Variants in QSOX1 observed in about 807,000 individuals in gnomAD.
The protein encoded by QSOX1 is quiescin sulfhydryl oxidase 1, also known as sulfhydryl oxidase 1.
In QSOX1, 40 loss-of-function variants were observed where a neutral mutation model predicts 76.1. The ratio of observed to expected loss-of-function variants is 0.53; its 90% confidence interval spans 0.41 to 0.68. QSOX1 has a LOEUF of 0.68. QSOX1 is among the 30% of genes least tolerant of loss of function. The probability of loss-of-function intolerance (pLI) is 0.00; values close to 1 mark genes in which losing one functional copy is unlikely to be tolerated. For synonymous variants in QSOX1, 392 were observed against 413.1 expected (o/e 0.95, Z 0.62); for missense variants, 931 against 974.3 (o/e 0.96, Z 0.59).
At chr1:180,157,068 G>A (rs923168561) in intron 1 of QSOX1, among the ~76,000 whole-genome samples, 1 of 152,208 alleles carries the variant, frequency 6.6e-6, no homozygotes, top group African/African-American at 2.4e-5. Context: ...CTGGATGAGG[G>A]TTACCACTTC....
intron 10 of QSOX1, among the ~76,000 whole-genome samples, chr1:180,191,681 C>T (rs983609378): frequency 5.3e-5 from 8 of 152,202 alleles, no homozygotes; most frequent in African/African-American, 9.6e-5. Context: ...AAAGCAGTGC[C>T]GGAGCGGGTG....
chr1:180,183,893 TC>T, intron 6 of QSOX1, 22 bp from the exon 7 acceptor site: 1 of 1,604,552 alleles, frequency 6.2e-7, no homozygotes, highest in Non-Finnish European at 8.5e-7. Flanking sequence ...CTGCCTCTCC[TC>T]CCTGGTTCTG....
At chr1:180,175,409 C>A in intron 3 of QSOX1, 43 bp downstream of exon 3, 1 of 1,594,456 alleles carries the variant, frequency 6.3e-7, no homozygotes, top group Non-Finnish European at 8.6e-7. Context: ...TCTTCCTCCC[C>A]CAACCTCCCT....
chr1:180,176,866 GCT>G (rs1662907967), intron 4 of QSOX1, among the ~76,000 whole-genome samples: 1 of 152,222 alleles, frequency 6.6e-6, no homozygotes, highest in Admixed American at 6.5e-5. Flanking sequence ...GTGCGCAGAG[GCT>G]CTCTTAAAAG....
Position 180,204,023 on chromosome 1 carries a change from AGACT to A in QSOX1, c.*6989_*6992del, listed in dbSNP as rs1297670265. ...TCCCTACTGAAAATAAAGGGCCTAA[AGACT>A]GAATGAGAGATGCAATTTTTTTTGG... is the stretch of plus-strand genomic sequence containing the variant. On this transcript the variant is annotated 3_prime_UTR_variant, in exon 12 of 12. Transcript: ENST00000367602. The A allele has an allele frequency of 6.6e-6, 1 of 152,230 alleles. No homozygotes were observed. Among genetic ancestry groups the A allele is most frequent in the Admixed American group, 6.5e-5 (1 of 15,280 alleles). 9.4% of individuals were successfully genotyped at this position (152,230 alleles called of 1,614,324 possible).
chr1:180,202,719 T>C lies in QSOX1; in HGVS notation c.*5682T>C, dbSNP rs1663660135. On this transcript the variant is annotated 3_prime_UTR_variant, in exon 12 of 12. Coordinates refer to ENST00000367602, the MANE Select transcript of QSOX1 (RefSeq NM_002826.5). ...GGAAATATAATTGAATACTTCACTGTTTTTGAAAGCATGAAAACAATGGAA... is the reference window on the plus strand; with the variant it reads ...GGAAATATAATTGAATACTTCACTGCTTTTGAAAGCATGAAAACAATGGAA... 6.7e-6 allele frequency: 1 copy of C among 150,288 alleles called. No individual in the cohort carries two copies. Among genetic ancestry groups the C allele is most frequent in the Non-Finnish European group, 1.5e-5 (1 of 67,776 alleles). 9.3% of individuals were successfully genotyped at this position (150,288 alleles called of 1,614,324 possible). A position where few individuals can be genotyped will look rare whatever the true frequency, so the allele number is the denominator to read the frequency against.
Position 180,200,178 on chromosome 1 carries a change from GGCAAGA to G in QSOX1, c.*3142_*3147del, listed in dbSNP as rs1418929736. The G allele has an allele frequency of 2.6e-5, 4 of 152,186 alleles. No homozygotes were observed. The highest frequency in any genetic ancestry group is 6.5e-5 in the Admixed American group (1 of 15,286). 9.4% of individuals were successfully genotyped at this position (152,186 alleles called of 1,614,324 possible). A position where few individuals can be genotyped will look rare whatever the true frequency, so the allele number is the denominator to read the frequency against. On this transcript the variant is annotated 3_prime_UTR_variant, in exon 12 of 12. Coordinates refer to ENST00000367602, the MANE Select transcript of QSOX1 (RefSeq NM_002826.5). ...AACACTCACTGGCTGTGTGACTTTGGGCAAGATAACTTATCCCCTTGTCCCCATGTG... is the reference window on the plus strand; with the variant it reads ...AACACTCACTGGCTGTGTGACTTTGGTAACTTATCCCCTTGTCCCCATGTG...
chr1:180,186,719 T>C (rs944087666), intron 8 of QSOX1, among the ~76,000 whole-genome samples: 24 of 152,362 alleles, frequency 1.6e-4, no homozygotes, highest in African/African-American at 5.5e-4. Flanking sequence ...ACTTGATGTT[T>C]GTCTAGGATT....
intron 3 of QSOX1, 106 bp from the exon 4 acceptor site, chr1:180,175,825 C>A: frequency 1.2e-6 from 1 of 842,856 alleles, no homozygotes; most frequent in Non-Finnish European, 1.9e-6. Flanking sequence ...TCTGTCAGAG[C>A]TGGCTGTGCC....
rs1017108306 is a variant in QSOX1, at chr1:180,201,022, C to G, written c.*3985C>G. 1 of 152,184 alleles carries G rather than the reference C, an allele frequency of 6.6e-6. No homozygotes were observed. The highest frequency in any genetic ancestry group is 1.5e-5 in the Non-Finnish European group (1 of 68,040). 9.4% of individuals were successfully genotyped at this position (152,184 alleles called of 1,614,324 possible). The stretch of plus-strand genomic sequence containing the variant: ...ACATCGAGGCTGAAGTGCCCTGTCT[C>G]GGGTCCTTGTTTTTAGGCCTCGTTT... On this transcript the variant is annotated 3_prime_UTR_variant, in exon 12 of 12. Coordinates refer to ENST00000367602, the MANE Select transcript of QSOX1 (RefSeq NM_002826.5).
chr1:180,182,253 T>C lies in QSOX1; in HGVS notation c.686T>C (p.Phe229Ser), dbSNP rs752448005. ...LNTEANVVRK[F>S]GVTDFPSCYL... ...ACAGAGGCCAATGTGGTGAGAAAGT[T>C]TGGTGTCACCGACTTCCCCTCTTGC... The change falls in exon 6 of 12, where the codon TTT (phenylalanine) becomes TCT (serine). Residue 229 changes from phenylalanine (F) to serine (S), a missense_variant. Transcript: ENST00000367602. 2 of 1,614,074 alleles carry C rather than the reference T, an allele frequency of 1.2e-6. No homozygotes were observed. Among genetic ancestry groups the C allele is most frequent in the East Asian group, 2.2e-5 (1 of 44,894 alleles).
chr1:180,157,835 G>T (rs547404148), intron 1 of QSOX1, among the ~76,000 whole-genome samples: 1 of 152,320 alleles, frequency 6.6e-6, no homozygotes, highest in Admixed American at 6.5e-5. Flanking sequence ...TTGCATTGCA[G>T]TTGGGGAAAT....
Position 180,196,353 on chromosome 1 carries a change from C to T in QSOX1, c.1560C>T (p.Pro520=), listed in dbSNP as rs141881766. ...SACHNERLDV[P]VWDVEATLNF... ...GCCACAATGAACGCCTGGATGTGCC[C>T]GTGTGGGACGTGGAAGCCACCCTCA... Residue 520 remains proline, a synonymous_variant, in exon 12 of 12, where the codon CCC becomes CCT. Coordinates refer to ENST00000367602, the MANE Select transcript of QSOX1 (RefSeq NM_002826.5). The surrounding 1 kb of genome is among the most constrained non-coding windows in gnomAD (Gnocchi z 4.1). 19 of 1,614,190 alleles carry T rather than the reference C, an allele frequency of 1.2e-5. No homozygotes were observed. In the Middle Eastern group the frequency reaches 4.9e-4, roughly 42 times the overall value.
intron 1 of QSOX1, among the ~76,000 whole-genome samples, chr1:180,165,461 C>T (rs1370033043): frequency 1.3e-5 from 2 of 152,260 alleles, no homozygotes; most frequent in Non-Finnish European, 2.9e-5. Context: ...CCTCTCCAGG[C>T]AGCCTGGTTT....
chr1:180,186,631 G>A (rs1258734446), intron 8 of QSOX1, among the ~76,000 whole-genome samples: 3 of 152,352 alleles, frequency 2.0e-5, no homozygotes, highest in Admixed American at 6.5e-5. Context: ...CCCTGGCCCT[G>A]GCCATGCCTT....
intron 4 of QSOX1, 149 bp downstream of exon 4, chr1:180,176,182 T>C (rs1389357395): frequency 1.1e-5 from 7 of 659,358 alleles, no homozygotes; most frequent in Non-Finnish European, 1.8e-5. Context: ...CTGCTGGAGC[T>C]ACTCCAGAAC....
In QSOX1 at chr1:180,198,278, C is replaced by T. The variant is rs1027286334; in HGVS notation, c.*1241C>T. 1.8e-5 allele frequency: 8 copies of T among 456,498 alleles called. No individual in the cohort carries two copies. The highest frequency in any genetic ancestry group is 1.2e-4 in the African/African-American group (6 of 50,042). The allele number at this position is 456,498 out of a possible 1,614,324, so 28.3% of individuals were successfully genotyped here. On this transcript the variant is annotated 3_prime_UTR_variant, in exon 12 of 12. Coordinates refer to ENST00000367602, the MANE Select transcript of QSOX1 (RefSeq NM_002826.5). ...CCCCAATCCTCCCTGAGAGCTCCTG[C>T]CTCAGTGCCCTGGGCTGGTGAGGGA...
At chr1:180,185,481 G>A (rs1221889628) in intron 7 of QSOX1, among the ~76,000 whole-genome samples, 1 of 152,196 alleles carries the variant, frequency 6.6e-6, no homozygotes, top group Non-Finnish European at 1.5e-5. Context: ...GTGTGAGATG[G>A]GCCCACCTAA....
At chr1:180,187,509 C>T (rs1035643603) in intron 8 of QSOX1, among the ~76,000 whole-genome samples, 2 of 152,258 alleles carry the variant, frequency 1.3e-5, no homozygotes, top group African/African-American at 2.4e-5. Flanking sequence ...CAGTACTCTC[C>T]AAAGGAGTCA....
Sources: gnomAD v4.1 joint callset for allele counts (sites outside exome capture counted in the v4.1 genomes callset) on GRCh38, gnomAD v4.1.1 for gene constraint, Gnocchi (gnomAD v3.1) non-coding constraint, MANE v1.5 for transcripts, NCBI Gene and HGNC (gene_info 2026-07-23, HGNC 2026-07-21) for gene names.